NFXL1: variants seen among roughly 807,000 people sequenced by gnomAD.
NFXL1 encodes nuclear transcription factor, X-box binding like 1.
Under a neutral mutation model 123.3 loss-of-function variants are expected in NFXL1, and 66 were observed. That is an observed-to-expected ratio of 0.54 (90% CI 0.44 to 0.66). The LOEUF (loss-of-function observed/expected upper bound fraction) is 0.66. Among genes scored for constraint, NFXL1 ranks in the 30% least tolerant of loss-of-function variants. The probability of loss-of-function intolerance (pLI) is 0.00; values close to 1 mark genes in which losing one functional copy is unlikely to be tolerated. For synonymous variants in NFXL1, 346 were observed against 360.8 expected (o/e 0.96, Z 0.46); for missense variants, 944 against 1,125.6 (o/e 0.84, Z 2.31).
chr4:47,891,896 C>T (rs1418664746), intron 11 of NFXL1, among the ~76,000 whole-genome samples: 1 of 151,448 alleles, frequency 6.6e-6, no homozygotes, highest in African/African-American at 2.4e-5. Context: ...GAGATCACAC[C>T]ACTGCACTCC....
rs941339440 is a variant in NFXL1 at position 47,879,097 on chromosome 4, T to A, written c.1937A>T (p.Glu646Val). The change falls in exon 16 of 23, where the codon GAG becomes GTG. Residue 646 changes from glutamate to valine, a missense_variant and splice_region_variant. By Grantham distance (121) the Glu-to-Val change is moderately radical. Coordinates refer to ENST00000507489, the MANE Select transcript of NFXL1 (RefSeq NM_001278624.2). ...TTAAAAATTGTGCCTGTAACTTACC[T>A]CATGTTTCCCAAGACATTCCCTACA... ...PIPMECLGKHEVSPLPCHAVG... is the reference protein window; with the variant it reads ...PIPMECLGKHVVSPLPCHAVG... The A allele has an allele frequency of 2.2e-6, 3 of 1,393,294 alleles. No individual in the cohort carries two copies. Among genetic ancestry groups the A allele is most frequent in the Non-Finnish European group, 2.9e-6 (3 of 1,033,344 alleles). The allele number at this position is 1,393,294 out of a possible 1,614,324, so 86.3% of individuals were successfully genotyped here. A position where few individuals can be genotyped will look rare whatever the true frequency, so the allele number is the denominator to read the frequency against.
At chr4:47,852,194 T>G in intron 20 of NFXL1, 1 of 392,056 alleles carries the variant, frequency 2.6e-6, no homozygotes, top group Non-Finnish European at 4.6e-6. Flanking sequence ...TGTGCCACTA[T>G]TGGACTTAGC....
chr4:47,858,479 C>A lies in NFXL1; in HGVS notation c.2317-3316G>T, dbSNP rs567915802. Among the ~76,000 whole-genome samples, 7 of 152,276 alleles carry A rather than the reference C, an allele frequency of 4.6e-5. No individual in the cohort carries two copies. In the East Asian group the frequency reaches 1.3e-3, roughly 29 times the overall value. On this transcript the variant is annotated intron_variant, in intron 19 of 22. Transcript: ENST00000507489. ...TTCACAGCAGTATTTTTGATAACAACCACATTTGGAAATTATTCAAATGTC... is the reference window on the plus strand; with the variant it reads ...TTCACAGCAGTATTTTTGATAACAAACACATTTGGAAATTATTCAAATGTC...
intron 19 of NFXL1, among the ~76,000 whole-genome samples, chr4:47,856,261 T>C (rs1734405285): frequency 6.6e-6 from 1 of 152,190 alleles, no homozygotes; most frequent in Non-Finnish European, 1.5e-5. Flanking sequence ...TAGTACTTTA[T>C]AAAGCTGTTG....
At chr4:47,863,040 T>C (rs1734853885) in intron 18 of NFXL1, 125 bp from the exon 19 acceptor site, 2 of 632,288 alleles carry the variant, frequency 3.2e-6, no homozygotes, top group South Asian at 2.0e-5. Flanking sequence ...AATACTTTAA[T>C]TATTTCTCTA....
intron 8 of NFXL1, 48 bp from the exon 9 acceptor site, chr4:47,898,129 A>G: frequency 8.6e-7 from 1 of 1,166,296 alleles, no homozygotes; most frequent in Non-Finnish European, 1.2e-6. Flanking sequence ...AAAGTTAACA[A>G]AAAAAGACTT....
At position 47,849,355 on chromosome 4, in the gene NFXL1, A is replaced by C. The variant is rs574575550; in HGVS notation, c.2563-1019T>G. 9.2e-5 allele frequency among the ~76,000 whole-genome samples: 14 copies of C among 152,294 alleles called. No individual in the cohort carries two copies. The Middle Eastern group carries it at 0.01, about 111-fold the overall frequency. ...CTAAGTACTTATTAAACTTTTACAC[A>C]TAATAATGTAATATAATATGCTATA... On this transcript the variant is annotated intron_variant, in intron 22 of 22. Coordinates refer to ENST00000507489, the MANE Select transcript of NFXL1 (RefSeq NM_001278624.2).
At chr4:47,909,838 T>G (rs906919381) in intron 3 of NFXL1, among the ~76,000 whole-genome samples, 3 of 152,004 alleles carry the variant, frequency 2.0e-5, no homozygotes, top group African/African-American at 2.4e-5. Context: ...TTTTTGTATT[T>G]TTAGTAGAGA....
chr4:47,879,636 A>G (rs1271195498), intron 15 of NFXL1, among the ~76,000 whole-genome samples: 1 of 152,230 alleles, frequency 6.6e-6, no homozygotes, highest in East Asian at 1.9e-4. Flanking sequence ...AAAAGAAAGC[A>G]AAGTCCAAAG....
In NFXL1 at chr4:47,847,496, G is replaced by C. The variant is rs1033339069; in HGVS notation, c.*667C>G. ...CATCTTCCTTTTATTATTTTTAAAA[G>C]ACACGCAAGTTTTACGAAACATGCC... On this transcript the variant is annotated 3_prime_UTR_variant, in exon 23 of 23. Transcript: ENST00000507489. 1 of 152,080 alleles carries C rather than the reference G, an allele frequency of 6.6e-6. No homozygotes were observed. The highest frequency in any genetic ancestry group is 2.4e-5 in the African/African-American group (1 of 41,406). The allele number at this position is 152,080 out of a possible 1,614,324, so 9.4% of individuals were successfully genotyped here.
At position 47,886,006 on chromosome 4, in the gene NFXL1, A is replaced by T; in HGVS notation, c.1544-7T>A. On this transcript the variant is annotated splice_region_variant and splice_polypyrimidine_tract_variant and intron_variant, in intron 12 of 22. Coordinates refer to ENST00000507489, the MANE Select transcript of NFXL1 (RefSeq NM_001278624.2). ...GGGCAGGGATAGCAACTGCCTGAAA[A>T]AAAAGTCTGACAATTAAAAAGTTTC... 6.2e-7 allele frequency: 1 copy of T among 1,606,098 alleles called. No individual in the cohort carries two copies. The highest frequency in any genetic ancestry group is 1.7e-4 in the Middle Eastern group (1 of 6,024).
intron 19 of NFXL1, among the ~76,000 whole-genome samples, chr4:47,858,171 CAAT>C (rs1261054557): frequency 6.6e-6 from 1 of 152,194 alleles, no homozygotes; most frequent in East Asian, 1.9e-4. Context: ...ATTAAAACCA[CAAT>C]GAGATGCAAA....
In NFXL1 at chr4:47,914,095, GCCCTCCTC is replaced by G; in HGVS notation, c.101_108del (p.Gly34AlafsTer51). 1 of 1,551,514 alleles carries G rather than the reference GCCCTCCTC, an allele frequency of 6.4e-7. No individual in the cohort carries two copies. Among genetic ancestry groups the G allele is most frequent in the Non-Finnish European group, 8.7e-7 (1 of 1,147,842 alleles). On this transcript the variant is annotated frameshift_variant, in exon 2 of 23. Transcript: ENST00000507489. LOFTEE classifies it high-confidence loss of function. ...ACTGCGCCCACCGACCCCTTCTCTC[GCCCTCCTC>G]CGGCGCCGCGGAGATGGACTCCATT...
chr4:47,851,655 C>T (rs369868951), intron 21 of NFXL1, among the ~76,000 whole-genome samples: 16 of 152,026 alleles, frequency 1.1e-4, no homozygotes, highest in East Asian at 1.9e-4. Context: ...AATCTTATAA[C>T]GGGCATAGAA....
intron 10 of NFXL1, 97 bp downstream of exon 10, chr4:47,896,426 T>C (rs1737088515): frequency 1.1e-6 from 1 of 912,702 alleles, no homozygotes; most frequent in Non-Finnish European, 1.7e-6. Context: ...CACAGATGTA[T>C]ATGAAAATAA....
At chr4:47,873,906 C>T (rs539544194) in intron 18 of NFXL1, among the ~76,000 whole-genome samples, 44 of 152,324 alleles carry the variant, frequency 2.9e-4, no homozygotes, top group South Asian at 1.9e-3. Context: ...CTTATCTAAA[C>T]CTTCTTAGAT....
chr4:47,872,607 C>T (rs555760490), intron 18 of NFXL1, among the ~76,000 whole-genome samples: 2 of 152,244 alleles, frequency 1.3e-5, no homozygotes, highest in East Asian at 3.9e-4. Context: ...CTTCCCAGTG[C>T]ATATAAAAGT....
intron 17 of NFXL1, among the ~76,000 whole-genome samples, chr4:47,876,516 G>C (rs762643983): frequency 2.0e-5 from 3 of 152,116 alleles, no homozygotes; most frequent in Non-Finnish European, 4.4e-5. Flanking sequence ...AAGCAAGAGA[G>C]TGATGAGAAG....
At chr4:47,863,400 G>A (rs1335161847) in intron 18 of NFXL1, among the ~76,000 whole-genome samples, 1 of 152,118 alleles carries the variant, frequency 6.6e-6, no homozygotes, top group African/African-American at 2.4e-5. Context: ...ATTCACTTTA[G>A]GCCAGGTACA....
Sources: allele counts gnomAD v4.1 joint callset (sites outside exome capture counted in the v4.1 genomes callset), GRCh38; gene constraint gnomAD v4.1.1; transcripts MANE v1.5; gene names NCBI Gene and HGNC (gene_info 2026-07-23, HGNC 2026-07-21).